CACNA1B: variants seen among roughly 807,000 people sequenced by gnomAD.
The protein encoded by CACNA1B is calcium voltage-gated channel subunit alpha1 B, also known as voltage-dependent N-type calcium channel subunit alpha-1B.
In CACNA1B, 70 loss-of-function variants were observed where a neutral mutation model predicts 247.2. The ratio of observed to expected loss-of-function variants is 0.28; its 90% CI spans 0.23 to 0.35. The LOEUF (loss-of-function observed/expected upper bound fraction) is 0.35. Among genes scored for constraint, CACNA1B ranks in the 10% least tolerant of loss-of-function variants. The pLI is 1.00. For synonymous variants in CACNA1B, 1,231 were observed against 1,294.4 expected, an observed-to-expected ratio of 0.95 and a Z score of 1.05; for missense variants, 2,367 against 3,197.4, an observed-to-expected ratio of 0.74 and a Z score of 6.26.
rs4876912 is a variant in CACNA1B at position 137,890,462 on chromosome 9, C to T, written c.530+7579C>T. The T allele has an allele frequency of 1.3e-5, 2 of 150,228 alleles. 1 individual carries two copies. Among genetic ancestry groups the T allele is most frequent in the Non-Finnish European group, 3.0e-5 (2 of 66,912 alleles). The allele number at this position is 150,228 out of a possible 1,614,324, so 9.3% of individuals were successfully genotyped here. On this transcript the variant is annotated intron_variant, in intron 3 of 46. Transcript: ENST00000371372. ...GTGGGGACTGGACCAGGTGGTCTGTCCTTTACTCATATGTCCCTGATATGG... is the reference window on the plus strand; with the variant it reads ...GTGGGGACTGGACCAGGTGGTCTGTTCTTTACTCATATGTCCCTGATATGG...
At position 137,974,857 on chromosome 9, in the gene CACNA1B, C is replaced by T. The variant is rs545747773; in HGVS notation, c.1544-1050C>T. 2.0e-5 allele frequency among the ~76,000 whole-genome samples: 3 copies of T among 152,352 alleles called. No homozygotes were observed. Among genetic ancestry groups the T allele is most frequent in the Non-Finnish European group, 2.9e-5 (2 of 68,034 alleles). ...GTGGGCTCTGCCCTGGGCTCTGTTG[C>T]CTCCCTAGCCCCTGCTGACCTGGCA... On this transcript the variant is annotated intron_variant, in intron 11 of 46. Transcript: ENST00000371372. This position sits in a 1 kb window ranked among gnomAD's most constrained non-coding sequence, Gnocchi z 4.5.
chr9:138,052,796 G>A lies in CACNA1B; in HGVS notation c.3807+608G>A, dbSNP rs1959340433. Among the ~76,000 whole-genome samples the A allele has an allele frequency of 6.6e-6, 1 of 152,226 alleles. No homozygotes were observed. The highest frequency in any genetic ancestry group is 2.4e-5 in the African/African-American group (1 of 41,468). On this transcript the variant is annotated intron_variant, in intron 25 of 46. Coordinates refer to ENST00000371372, the MANE Select transcript of CACNA1B (RefSeq NM_000718.4). The surrounding 1 kb of genome is among the most constrained non-coding windows in gnomAD (Gnocchi z 5.1). Reference sequence around the variant, plus strand: ...TGAAGGAGTGGGCTGGCAGGCAGCTGGGGAAGGCGTCGGAGGCCCACTGGG... The same window carrying A: ...TGAAGGAGTGGGCTGGCAGGCAGCTAGGGAAGGCGTCGGAGGCCCACTGGG...
In CACNA1B at chr9:138,020,161, C is replaced by T. The variant is rs1160429079; in HGVS notation, c.2268-2850C>T. On this transcript the variant is annotated intron_variant, in intron 18 of 46. Coordinates refer to ENST00000371372, the MANE Select transcript of CACNA1B (RefSeq NM_000718.4). The surrounding 1 kb of genome is among the most constrained non-coding windows in gnomAD (Gnocchi z 4.1). ...CCATGGTGTCACACCAGGGCTGCTTCATATTGTCAGCAGTTCCGGGTTGTC... is the reference window on the plus strand; with the variant it reads ...CCATGGTGTCACACCAGGGCTGCTTTATATTGTCAGCAGTTCCGGGTTGTC... Among the ~76,000 whole-genome samples the T allele has an allele frequency of 6.6e-6, 1 of 151,062 alleles. No homozygotes were observed. Among genetic ancestry groups the T allele is most frequent in the African/African-American group, 2.4e-5 (1 of 40,960 alleles).
In CACNA1B at chr9:138,050,098, T is replaced by G. The variant is rs1959226435; in HGVS notation, c.3710+783T>G. Reference sequence around the variant, plus strand: ...AGGAGCTTCGTGGGGTAATGCCTTCTCTCCCCCACACGCTGCCCCTGACAT... The same window carrying G: ...AGGAGCTTCGTGGGGTAATGCCTTCGCTCCCCCACACGCTGCCCCTGACAT... On this transcript the variant is annotated intron_variant, in intron 24 of 46. Transcript: ENST00000371372. The surrounding 1 kb of genome is among the most constrained non-coding windows in gnomAD (Gnocchi z 5.2). The G allele has an allele frequency of 7.8e-7, 1 of 1,288,738 alleles. No individual in the cohort carries two copies. Among genetic ancestry groups the G allele is most frequent in the Non-Finnish European group, 1.0e-6 (1 of 987,936 alleles). The allele number at this position is 1,288,738 out of a possible 1,614,324, so 79.8% of individuals were successfully genotyped here. A position where few individuals can be genotyped will look rare whatever the true frequency, so the allele number is the denominator to read the frequency against.
intron 20 of CACNA1B, among the ~76,000 whole-genome samples, chr9:138,030,020 C>A (rs1189140433): frequency 6.6e-6 from 1 of 152,158 alleles, no homozygotes; most frequent in African/African-American, 2.4e-5. Flanking sequence ...AAGGCATCTG[C>A]AAATGAACAG....
At position 138,020,867 on chromosome 9, in the gene CACNA1B, C is replaced by G. The variant is rs1958836730; in HGVS notation, c.2268-2144C>G. The stretch of plus-strand genomic sequence containing the variant: ...GAGCTATATGGTCTGGAGCCCACCC[C>G]ACCTTCACACAGACCCTGTGCCTCT... On this transcript the variant is annotated intron_variant, in intron 18 of 46. Transcript: ENST00000371372. This position sits in a 1 kb window ranked among gnomAD's most constrained non-coding sequence, Gnocchi z 4.1. 6.6e-6 allele frequency among the ~76,000 whole-genome samples: 1 copy of G among 152,212 alleles called. No homozygotes were observed. Among genetic ancestry groups the G allele is most frequent in the South Asian group, 2.1e-4 (1 of 4,832 alleles).
intron 36 of CACNA1B, among the ~76,000 whole-genome samples, chr9:138,079,134 A>G (rs999264624): frequency 6.6e-6 from 1 of 152,194 alleles, no homozygotes; most frequent in Non-Finnish European, 1.5e-5. Flanking sequence ...TGTTAGACAT[A>G]CAGATTCCCA....
intron 23 of CACNA1B, 146 bp downstream of exon 23, chr9:138,047,604 C>T (rs1589093931): frequency 3.1e-6 from 2 of 639,878 alleles, no homozygotes; most frequent in East Asian, 2.7e-5. Context: ...GTGTGCTCAG[C>T]ACATGAACAT....
rs1292618859 is a variant in CACNA1B at position 137,917,520 on chromosome 9, G to A, written c.966+89G>A. 3 of 1,169,768 alleles carry A rather than the reference G, an allele frequency of 2.6e-6. No individual in the cohort carries two copies. The highest frequency in any genetic ancestry group is 3.7e-6 in the Non-Finnish European group (3 of 809,338). The allele number at this position is 1,169,768 out of a possible 1,614,324, so 72.5% of individuals were successfully genotyped here. ...GGGGTCCATTTAGGGGGGCCCTTCT[G>A]ACCTCAGAGCCTCTGCCCAGCCCTA... is the stretch of plus-strand genomic sequence containing the variant. On this transcript the variant is annotated intron_variant, in intron 6 of 46. Transcript: ENST00000371372. The surrounding 1 kb of genome is among the most constrained non-coding windows in gnomAD (Gnocchi z 5.5).
intron 3 of CACNA1B, among the ~76,000 whole-genome samples, chr9:137,900,281 G>T (rs1462944058): frequency 2.6e-5 from 4 of 152,162 alleles, no homozygotes; most frequent in African/African-American, 9.7e-5. Flanking sequence ...GTGAGTTTTG[G>T]GTTAGGGTTA....
At chr9:138,030,238 T>C (rs1958972485) in intron 20 of CACNA1B, among the ~76,000 whole-genome samples, 1 of 152,164 alleles carries the variant, frequency 6.6e-6, no homozygotes, top group Non-Finnish European at 1.5e-5. Flanking sequence ...GTTTTGTTTT[T>C]TGGTAGATGT....
At chr9:138,065,972 C>T (rs1959901718) in intron 31 of CACNA1B, among the ~76,000 whole-genome samples, 1 of 152,188 alleles carries the variant, frequency 6.6e-6, no homozygotes, top group African/African-American at 2.4e-5. Flanking sequence ...TGAGCCACTC[C>T]CCAAGGTCTC....
intron 12 of CACNA1B, among the ~76,000 whole-genome samples, chr9:137,976,400 C>T (rs1239330687): frequency 2.0e-5 from 3 of 152,264 alleles, no homozygotes; most frequent in African/African-American, 4.8e-5. Context: ...GGCTTGGGTA[C>T]ATCCACCAGC....
Position 137,955,057 on chromosome 9 carries a change from G to T in CACNA1B, c.1071-641G>T, listed in dbSNP as rs2133342320. Among the ~76,000 whole-genome samples, 1 of 152,242 alleles carries T rather than the reference G, an allele frequency of 6.6e-6. No homozygotes were observed. The highest frequency in any genetic ancestry group is 2.4e-5 in the African/African-American group (1 of 41,526). ...CTGTGAAGGCTCAGGCGGGGCTGGGGTGAGATGTCGGGGGCCAATGACAGA... is the reference window on the plus strand; with the variant it reads ...CTGTGAAGGCTCAGGCGGGGCTGGGTTGAGATGTCGGGGGCCAATGACAGA... On this transcript the variant is annotated intron_variant, in intron 7 of 46. Coordinates refer to ENST00000371372, the MANE Select transcript of CACNA1B (RefSeq NM_000718.4). The surrounding 1 kb of genome is among the most constrained non-coding windows in gnomAD (Gnocchi z 6.9).
chr9:138,069,675 CTG>C, intron 31 of CACNA1B, 81 bp from the exon 32 acceptor site: 3 of 1,010,138 alleles, frequency 3.0e-6, no homozygotes, highest in Non-Finnish European at 4.7e-6. Flanking sequence ...ATGTCTCCGT[CTG>C]TATGTTGTGC....
intron 18 of CACNA1B, among the ~76,000 whole-genome samples, chr9:138,021,653 T>C (rs1564242094): frequency 6.6e-6 from 1 of 152,232 alleles, no homozygotes; most frequent in Non-Finnish European, 1.5e-5. Context: ...TGTTTTTCCT[T>C]TTTGCCCTTG....
At chr9:138,083,801 G>T (rs1960605960) in intron 36 of CACNA1B, among the ~76,000 whole-genome samples, 1 of 150,236 alleles carries the variant, frequency 6.7e-6, no homozygotes, top group African/African-American at 2.5e-5. Context: ...GCCTCCCCAG[G>T]GCTCAAATGA....
intron 40 of CACNA1B, among the ~76,000 whole-genome samples, chr9:138,113,469 A>G (rs753261788): frequency 0.016 from 876 of 53,752 alleles, no homozygotes; most frequent in Middle Eastern, 0.037. Context: ...AGGGAGCGCG[A>G]GGAGGTGCCC....
At chr9:138,025,910 G>A (rs959928771) in intron 20 of CACNA1B, among the ~76,000 whole-genome samples, 2 of 152,174 alleles carry the variant, frequency 1.3e-5, no homozygotes, top group East Asian at 3.9e-4. Flanking sequence ...AGAAAAAAGG[G>A]GTAGAAGAGA....
Sources: allele counts gnomAD v4.1 joint callset (sites outside exome capture counted in the v4.1 genomes callset), GRCh38; gene constraint gnomAD v4.1.1; non-coding constraint Gnocchi (gnomAD v3.1); transcripts MANE v1.5; gene names NCBI Gene and HGNC (gene_info 2026-07-23, HGNC 2026-07-21).